Variants in ADGRG6 observed in about 807,000 individuals in gnomAD.
The protein encoded by ADGRG6 is G-protein coupled receptor 126.
In ADGRG6, 84 loss-of-function variants were observed where a neutral mutation model predicts 142.4. The observed-to-expected ratio is 0.59, with a 90% CI of 0.49 to 0.71. ADGRG6 has a LOEUF of 0.71. Ranked by LOEUF, ADGRG6 falls within the 30% of genes least tolerant of loss-of-function variation. The pLI, the probability that ADGRG6 is intolerant of heterozygous loss-of-function variation, is 0.00. For synonymous variants in ADGRG6, 521 were observed against 520.5 expected (o/e 1.00, Z -0.01); for missense variants, 1,367 against 1,466.6 (o/e 0.93, Z 1.11).
chr6:142,427,763 A>G (rs150217867), intron 22 of ADGRG6, among the ~76,000 whole-genome samples: 1 of 152,324 alleles, frequency 6.6e-6, no homozygotes, highest in African/African-American at 2.4e-5. Context: ...GGAGGGCAAG[A>G]AGGAGGAAAT....
chr6:142,315,820 CAAATAAATAAAT>C (rs10609669), intron 2 of ADGRG6, among the ~76,000 whole-genome samples: 3,549 of 139,108 alleles, frequency 0.026, 82 homozygotes, highest in East Asian at 0.075. Context: ...AACTACATCT[CAAATAAATAAAT>C]AAATAAATAA....
chr6:142,302,965 A>G (rs1057330524), intron 1 of ADGRG6, among the ~76,000 whole-genome samples: 1 of 152,218 alleles, frequency 6.6e-6, no homozygotes, highest in Non-Finnish European at 1.5e-5. Flanking sequence ...GCATTGAAAC[A>G]GAGAAACCTA....
intron 22 of ADGRG6, among the ~76,000 whole-genome samples, chr6:142,425,934 A>T (rs1442141376): frequency 6.6e-6 from 1 of 152,180 alleles, no homozygotes; most frequent in Non-Finnish European, 1.5e-5. Context: ...TTCATTTACT[A>T]TCACGATAAC....
chr6:142,337,420 G>A (rs1256784170), intron 2 of ADGRG6, among the ~76,000 whole-genome samples: 1 of 152,130 alleles, frequency 6.6e-6, no homozygotes, highest in Non-Finnish European at 1.5e-5. Flanking sequence ...GTGCTGCACT[G>A]GGACTCAAGC....
chr6:142,323,342 T>G lies in ADGRG6; in HGVS notation c.103+13698T>G, dbSNP rs150327063. On this transcript the variant is annotated intron_variant, in intron 2 of 24. Transcript: ENST00000367609. ...ATCCAAAGGGTGAAAAGTATGATTT[T>G]GAATTCCAGTACGCATTAAAAAAAG... Among the ~76,000 whole-genome samples, 19 of 152,232 alleles carry G rather than the reference T, an allele frequency of 1.2e-4. No homozygotes were observed. The East Asian group carries it at 3.7e-3, about 29-fold the overall frequency.
chr6:142,308,967 C>T (rs748420336), intron 1 of ADGRG6, among the ~76,000 whole-genome samples: 3 of 151,808 alleles, frequency 2.0e-5, no homozygotes, highest in African/African-American at 4.8e-5. Flanking sequence ...GTTCAATAGC[C>T]ATTTAAAAAC....
At chr6:142,391,363 A>G (rs1480892655) in intron 7 of ADGRG6, among the ~76,000 whole-genome samples, 1 of 151,272 alleles carries the variant, frequency 6.6e-6, no homozygotes, top group East Asian at 1.9e-4. Context: ...GGGTTTTCAT[A>G]TATATTTGGT....
At chr6:142,432,492 G>A (rs746737048) in intron 22 of ADGRG6, among the ~76,000 whole-genome samples, 3 of 151,826 alleles carry the variant, frequency 2.0e-5, no homozygotes, top group African/African-American at 4.8e-5. Flanking sequence ...AATTTGTTAC[G>A]CTTATTATGT....
chr6:142,392,892 T>A, intron 7 of ADGRG6, 56 bp from the exon 8 acceptor site: 1 of 1,121,734 alleles, frequency 8.9e-7, no homozygotes, highest in Non-Finnish European at 1.3e-6. Flanking sequence ...GAAACTTGAA[T>A]TAGATATTTT....
In ADGRG6 at chr6:142,446,096, C is replaced by G. The variant is rs1777960830; in HGVS notation, c.*2581C>G. The G allele has an allele frequency of 6.6e-6, 1 of 152,428 alleles. No individual in the cohort carries two copies. Among genetic ancestry groups the G allele is most frequent in the Non-Finnish European group, 1.5e-5 (1 of 67,988 alleles). 9.4% of individuals were successfully genotyped at this position (152,428 alleles called of 1,614,324 possible). A position where few individuals can be genotyped will look rare whatever the true frequency, so the allele number is the denominator to read the frequency against. The stretch of plus-strand genomic sequence containing the variant: ...AGACTGTATATATTTTTTCTAAATA[C>G]TTTGTGAAATCATTTTTGGTAGCAA... On this transcript the variant is annotated 3_prime_UTR_variant, in exon 25 of 25. Coordinates refer to ENST00000367609, the MANE Select transcript of ADGRG6 (RefSeq NM_198569.3).
intron 22 of ADGRG6, among the ~76,000 whole-genome samples, chr6:142,434,446 T>C (rs976958674): frequency 3.3e-5 from 5 of 152,140 alleles, no homozygotes; most frequent in East Asian, 1.9e-4. Context: ...TGCTGCAGCC[T>C]CCTGAGTAGC....
chr6:142,421,927 C>G (rs867616161), intron 22 of ADGRG6, among the ~76,000 whole-genome samples: 25 of 152,224 alleles, frequency 1.6e-4, no homozygotes, highest in African/African-American at 5.3e-4. Context: ...ATGAGTCTAC[C>G]AACAATTGCT....
chr6:142,323,445 G>A (rs1012550577), intron 2 of ADGRG6, among the ~76,000 whole-genome samples: 1 of 151,972 alleles, frequency 6.6e-6, no homozygotes, highest in Non-Finnish European at 1.5e-5. Context: ...TGATTTAGCG[G>A]ATATTTTGCT....
chr6:142,435,458 C>A (rs1777438077), intron 22 of ADGRG6, among the ~76,000 whole-genome samples: 2 of 151,934 alleles, frequency 1.3e-5, no homozygotes, highest in South Asian at 2.1e-4. Context: ...AATATGTTTT[C>A]TTTTCATTCC....
intron 2 of ADGRG6, among the ~76,000 whole-genome samples, chr6:142,356,412 T>C (rs1780446542): frequency 6.6e-6 from 1 of 152,194 alleles, no homozygotes; most frequent in South Asian, 2.1e-4. Context: ...TTGCCGACCA[T>C]TAGCTCTACT....
At chr6:142,409,348 CT>C (rs1775968947) in intron 16 of ADGRG6, among the ~76,000 whole-genome samples, 1 of 152,084 alleles carries the variant, frequency 6.6e-6, no homozygotes, top group Non-Finnish European at 1.5e-5. Context: ...AACTGACTTC[CT>C]TTTTAAGGCT....
intron 2 of ADGRG6, among the ~76,000 whole-genome samples, chr6:142,344,563 T>A (rs913459989): frequency 6.6e-6 from 1 of 151,988 alleles, no homozygotes; most frequent in Non-Finnish European, 1.5e-5. Flanking sequence ...ATTTCTAAGA[T>A]CAGGCAATAT....
In ADGRG6 at chr6:142,403,938, A is replaced by G. The variant is rs772801371; in HGVS notation, c.2092A>G (p.Ile698Val). 1.2e-6 allele frequency: 2 copies of G among 1,610,790 alleles called. No homozygotes were observed. The highest frequency in any genetic ancestry group is 2.2e-5 in the East Asian group (1 of 44,856). Residue 698 changes from isoleucine to valine, a missense_variant, in exon 14 of 25, where the codon ATT becomes GTT. Transcript: ENST00000367609. ...PGTNAISNFS[I>V]GLPSNNESYF... ...GACAAATGCAATTTCAAATTTTAGC[A>G]TTGGTCTTCCAAGCAATAATGAATC...
Position 142,429,829 on chromosome 6 carries a change from G to T in ADGRG6, c.3320-7605G>T, listed in dbSNP as rs575835598. 1.4e-4 allele frequency among the ~76,000 whole-genome samples: 21 copies of T among 152,190 alleles called. No homozygotes were observed. In the South Asian group the frequency reaches 4.1e-3, roughly 30 times the overall value. The stretch of plus-strand genomic sequence containing the variant: ...TGCTTTGGGAGGCCAAGGCAGGAGG[G>T]TTTCTTGAGACCAGGAGTTCAAGAC... On this transcript the variant is annotated intron_variant, in intron 22 of 24. Coordinates refer to ENST00000367609, the MANE Select transcript of ADGRG6 (RefSeq NM_198569.3).
Sources: gnomAD v4.1 joint callset for allele counts (sites outside exome capture counted in the v4.1 genomes callset) on GRCh38, gnomAD v4.1.1 for gene constraint, MANE v1.5 for transcripts, NCBI Gene and HGNC (gene_info 2026-07-23, HGNC 2026-07-21) for gene names.